Variants in TASP1 observed in about 807,000 individuals in gnomAD.
TASP1 encodes the protein taspase 1, also known as threonine aspartase 1.
TASP1 carries 16 observed loss-of-function variants against 56.6 expected under a neutral mutation model. The ratio of observed to expected loss-of-function variants is 0.28; its 90% CI spans 0.19 to 0.43. The LOEUF (loss-of-function observed/expected upper bound fraction) is 0.43, where lower values mean the gene tolerates loss of function less well. Ranked by LOEUF, TASP1 falls within the 20% of genes least tolerant of loss-of-function variation. The pLI is 1.00. For synonymous variants in TASP1, 179 were observed against 184.2 expected (o/e 0.97, Z 0.23); for missense variants, 393 against 511.6 (o/e 0.77, Z 2.24).
At chr20:13,469,275 T>C (rs1450567632) in intron 11 of TASP1, among the ~76,000 whole-genome samples, 1 of 152,184 alleles carries the variant, frequency 6.6e-6, no homozygotes. Context: ...AGAACACATC[T>C]GTGGTAGATA....
intron 10 of TASP1, among the ~76,000 whole-genome samples, chr20:13,498,624 G>C (rs1022771675): frequency 6.6e-6 from 1 of 151,720 alleles, no homozygotes; most frequent in African/African-American, 2.4e-5. Context: ...GATTATAGGC[G>C]TGGGCCACCA....
chr20:13,345,223 T>C, the TASP1 span, among the ~76,000 whole-genome samples: 1 of 152,246 alleles, frequency 6.6e-6, no homozygotes, highest in African/African-American at 2.4e-5. Context: ...TTATTTTTAC[T>C]TCTGTTTAGT....
At chr20:13,483,400 T>G in intron 10 of TASP1, 63 bp from the exon 11 acceptor site, 1 of 1,155,716 alleles carries the variant, frequency 8.7e-7, no homozygotes. Flanking sequence ...CTTATTTCAA[T>G]AGCATTAGAA....
intron 6 of TASP1, among the ~76,000 whole-genome samples, chr20:13,580,689 A>G (rs1459818785): frequency 1.3e-5 from 2 of 152,186 alleles, no homozygotes; most frequent in Admixed American, 1.3e-4. Flanking sequence ...AAATGAGCCC[A>G]GTTGAACACT....
At chr20:13,267,355 A>G in the TASP1 span, among the ~76,000 whole-genome samples, 8 of 152,350 alleles carry the variant, frequency 5.3e-5, no homozygotes, top group South Asian at 1.7e-3. Flanking sequence ...AGTTGTGTGC[A>G]TAACTGAAGC....
intron 11 of TASP1, among the ~76,000 whole-genome samples, chr20:13,473,306 G>T (rs1202092383): frequency 6.7e-6 from 1 of 149,676 alleles, no homozygotes; most frequent in Non-Finnish European, 1.5e-5. Flanking sequence ...ATGGACACAG[G>T]AAGTGGAACA....
chr20:13,615,985 C>T (rs538892889), intron 4 of TASP1, among the ~76,000 whole-genome samples: 15 of 152,102 alleles, frequency 9.9e-5, no homozygotes, highest in Non-Finnish European at 1.9e-4. Flanking sequence ...CTACATCCTT[C>T]ATTACCAAGA....
At chr20:13,111,397 T>A in the TASP1 span, among the ~76,000 whole-genome samples, 1 of 152,200 alleles carries the variant, frequency 6.6e-6, no homozygotes, top group African/African-American at 2.4e-5. Context: ...TCATTATAAC[T>A]GCAGTAGTGT....
intron 10 of TASP1, among the ~76,000 whole-genome samples, chr20:13,516,924 T>C (rs916632467): frequency 1.3e-5 from 2 of 151,924 alleles, no homozygotes; most frequent in Admixed American, 6.6e-5. Context: ...TCAGTGAGTG[T>C]AGGAGGGTGA....
the TASP1 span, among the ~76,000 whole-genome samples, chr20:13,185,055 A>C: frequency 6.6e-6 from 1 of 152,160 alleles, no homozygotes; most frequent in Non-Finnish European, 1.5e-5. Context: ...TTATTTAAAA[A>C]TCAGTACTAT....
chr20:13,145,896 T>G, the TASP1 span, among the ~76,000 whole-genome samples: 3 of 152,194 alleles, frequency 2.0e-5, no homozygotes, highest in Non-Finnish European at 4.4e-5. Context: ...GGGAAAGGAC[T>G]CCCTATTTAA....
At chr20:13,239,901 A>G in the TASP1 span, among the ~76,000 whole-genome samples, 7 of 152,340 alleles carry the variant, frequency 4.6e-5, no homozygotes, top group Admixed American at 4.6e-4. Flanking sequence ...CCCATTTCTG[A>G]ACATCTGTAA....
At chr20:13,518,607 G>A (rs1397228882) in intron 10 of TASP1, among the ~76,000 whole-genome samples, 1 of 151,924 alleles carries the variant, frequency 6.6e-6, no homozygotes, top group Non-Finnish European at 1.5e-5. Context: ...TCACTCATCC[G>A]GGCTTCACTG....
chr20:13,375,807 T>C, the TASP1 span, among the ~76,000 whole-genome samples: 1 of 152,204 alleles, frequency 6.6e-6, no homozygotes, highest in Non-Finnish European at 1.5e-5. Flanking sequence ...CTCATTGTGG[T>C]TTTGATTTGC....
chr20:13,164,626 C>A, the TASP1 span: 1 of 701,464 alleles, frequency 1.4e-6, no homozygotes, highest in Non-Finnish European at 2.4e-6. Context: ...TGCTTCTTTT[C>A]TTTAAAATCA....
At chr20:13,581,086 G>A (rs2047107031) in intron 5 of TASP1, 105 bp from the exon 6 acceptor site, 1 of 1,012,626 alleles carries the variant, frequency 9.9e-7, no homozygotes, top group African/African-American at 1.6e-5. Context: ...ATATATCTTG[G>A]AAATTCTTTT....
chr20:13,277,990 G>A, the TASP1 span, among the ~76,000 whole-genome samples: 3 of 152,202 alleles, frequency 2.0e-5, no homozygotes, highest in Admixed American at 6.5e-5. Flanking sequence ...ACGCCCTGGT[G>A]CAATTTGGCA....
the TASP1 span, among the ~76,000 whole-genome samples, chr20:13,171,387 T>C: frequency 6.6e-6 from 1 of 152,192 alleles, no homozygotes; most frequent in East Asian, 1.9e-4. Context: ...CAACAAAATA[T>C]CCATGAAGAG....
At chr20:13,637,304 G>A (rs990730023) in intron 1 of TASP1, among the ~76,000 whole-genome samples, 7 of 152,150 alleles carry the variant, frequency 4.6e-5, no homozygotes, top group African/African-American at 1.7e-4. Flanking sequence ...ATGTAAAATG[G>A]TGCAACCAGT....
Sources: gnomAD v4.1 joint callset for allele counts (sites outside exome capture counted in the v4.1 genomes callset) on GRCh38, gnomAD v4.1.1 for gene constraint, MANE v1.5 for transcripts, NCBI Gene and HGNC (gene_info 2026-07-23, HGNC 2026-07-21) for gene names.